ADAMTSL1: variants seen among roughly 807,000 people sequenced by gnomAD.
ADAMTSL1 encodes the protein ADAMTS like 1.
A neutral mutation model predicts 201.8 loss-of-function variants in ADAMTSL1; 126 were observed. The ratio of observed to expected loss-of-function variants is 0.62; its 90% CI spans 0.54 to 0.72. ADAMTSL1 has a LOEUF of 0.72. Ranked by LOEUF, ADAMTSL1 falls within the 30% of genes least tolerant of loss-of-function variation. ADAMTSL1 has a pLI of 0.00. For synonymous variants in ADAMTSL1, 1,121 were observed against 903.4 expected (o/e 1.24, Z -4.32); for missense variants, 2,679 against 2,277.8 (o/e 1.18, Z -3.59).
intron 2 of ADAMTSL1, among the ~76,000 whole-genome samples, chr9:18,414,901 A>G (rs1818606844): frequency 6.6e-6 from 1 of 152,238 alleles, no homozygotes; most frequent in Admixed American, 6.5e-5. Context: ...AGTGGGAGGT[A>G]ATGCCTGTTC....
chr9:18,900,247 T>C (rs1454100541), intron 26 of ADAMTSL1, among the ~76,000 whole-genome samples: 5 of 152,146 alleles, frequency 3.3e-5, no homozygotes, highest in Admixed American at 6.5e-5. Flanking sequence ...CTCATGCCAG[T>C]CAGAATGGCG....
At chr9:18,159,374 G>T (rs764826474) in intron 1 of ADAMTSL1, among the ~76,000 whole-genome samples, 4 of 151,902 alleles carry the variant, frequency 2.6e-5, no homozygotes, top group Non-Finnish European at 5.9e-5. Context: ...GAAGAAAGAA[G>T]AACAATAAAC....
At chr9:18,616,962 C>G (rs1274315172) in intron 4 of ADAMTSL1, among the ~76,000 whole-genome samples, 1 of 152,136 alleles carries the variant, frequency 6.6e-6, no homozygotes, top group African/African-American at 2.4e-5. Context: ...GTAAACCACA[C>G]TGTTACCCAT....
At chr9:18,157,231 T>G (rs1444955082) in intron 1 of ADAMTSL1, among the ~76,000 whole-genome samples, 1 of 152,114 alleles carries the variant, frequency 6.6e-6, no homozygotes, top group Non-Finnish European at 1.5e-5. Flanking sequence ...TTGCTAGTTT[T>G]TCTTTATACA....
At chr9:18,455,836 C>G (rs563215994) in intron 2 of ADAMTSL1, among the ~76,000 whole-genome samples, 1 of 150,408 alleles carries the variant, frequency 6.6e-6, no homozygotes, top group African/African-American at 2.4e-5. Flanking sequence ...CTATCCCCAT[C>G]TATGTGGAAG....
In ADAMTSL1 at chr9:18,887,845, G is replaced by C; in HGVS notation, c.4264G>C (p.Gly1422Arg). The change falls in exon 24 of 29, where the codon GGT becomes CGT. Residue 1422 changes from glycine to arginine, a missense_variant. Transcript: ENST00000380548. Reference protein sequence around the residue: ...NSALLGCPIKGHPVPNITWFH... With the variant: ...NSALLGCPIKRHPVPNITWFH... Reference sequence around the variant, plus strand: ...TCTCCTTCTAGGCTGCCCCATCAAAGGTCACCCTGTCCCTAATATCACCTG... The same window carrying C: ...TCTCCTTCTAGGCTGCCCCATCAAACGTCACCCTGTCCCTAATATCACCTG... 1 of 1,613,782 alleles carries C rather than the reference G, an allele frequency of 6.2e-7. No individual in the cohort carries two copies. The highest frequency in any genetic ancestry group is 8.5e-7 in the Non-Finnish European group (1 of 1,179,848).
intron 20 of ADAMTSL1, among the ~76,000 whole-genome samples, chr9:18,804,516 T>A (rs76483310): frequency 0.03 from 4,612 of 152,284 alleles, 122 homozygotes; most frequent in Non-Finnish European, 0.04. Context: ...AATATAACTA[T>A]TATTTGTAAC....
intron 14 of ADAMTSL1, among the ~76,000 whole-genome samples, chr9:18,720,828 A>T (rs1833303533): frequency 6.6e-6 from 1 of 152,196 alleles, no homozygotes; most frequent in South Asian, 2.1e-4. Flanking sequence ...GGGCCCTGCA[A>T]ACCACCTTGG....
intron 2 of ADAMTSL1, among the ~76,000 whole-genome samples, chr9:18,383,053 G>C (rs1176653721): frequency 1.3e-5 from 2 of 152,182 alleles, no homozygotes; most frequent in South Asian, 4.1e-4. Context: ...GGGACAGCTA[G>C]ACTAGGATCC....
intron 23 of ADAMTSL1, among the ~76,000 whole-genome samples, chr9:18,864,706 T>C (rs1245581006): frequency 6.6e-6 from 1 of 152,150 alleles, no homozygotes; most frequent in Non-Finnish European, 1.5e-5. Context: ...GGCTGTTTAG[T>C]CACAGAAGCC....
At chr9:18,551,170 A>G (rs1820778381) in intron 3 of ADAMTSL1, among the ~76,000 whole-genome samples, 2 of 151,908 alleles carry the variant, frequency 1.3e-5, no homozygotes, top group Admixed American at 6.6e-5. Flanking sequence ...TCCCACCAGA[A>G]TTATACTTGT....
intron 2 of ADAMTSL1, among the ~76,000 whole-genome samples, chr9:18,375,084 G>C (rs1203494754): frequency 6.6e-6 from 1 of 152,216 alleles, no homozygotes; most frequent in Non-Finnish European, 1.5e-5. Context: ...TGGATCACCA[G>C]ATACCCATCA....
chr9:17,993,970 T>C (rs1819269478), intron 1 of ADAMTSL1, among the ~76,000 whole-genome samples: 1 of 152,136 alleles, frequency 6.6e-6, no homozygotes, highest in Non-Finnish European at 1.5e-5. Flanking sequence ...CAGAGAGGTC[T>C]CTGGAAACTA....
intron 2 of ADAMTSL1, among the ~76,000 whole-genome samples, chr9:18,192,552 A>G (rs1224339906): frequency 6.6e-6 from 1 of 152,172 alleles, no homozygotes; most frequent in East Asian, 1.9e-4. Flanking sequence ...GGAAAAAATT[A>G]ATAATATTTT....
intron 1 of ADAMTSL1, among the ~76,000 whole-genome samples, chr9:18,041,339 A>G (rs1471929971): frequency 6.6e-6 from 1 of 152,214 alleles, no homozygotes; most frequent in Non-Finnish European, 1.5e-5. Flanking sequence ...AGTTTTATAA[A>G]TATTTAATGG....
intron 1 of ADAMTSL1, among the ~76,000 whole-genome samples, chr9:18,061,293 G>A (rs1274919365): frequency 2.0e-5 from 3 of 152,114 alleles, no homozygotes; most frequent in Non-Finnish European, 4.4e-5. Context: ...TGATGGTTAA[G>A]GTCGAGTAGC....
chr9:18,714,679 A>G (rs13301770), intron 14 of ADAMTSL1, among the ~76,000 whole-genome samples: 15,714 of 151,084 alleles, frequency 0.1, 880 homozygotes, highest in Middle Eastern at 0.13. Flanking sequence ...ACAAGGAGGA[A>G]CTGGTACCAT....
chr9:18,508,904 G>GGATATGTGCTCAGCTTTAAGA (rs1451509679), intron 2 of ADAMTSL1, among the ~76,000 whole-genome samples: 2 of 95,624 alleles, frequency 2.1e-5, no homozygotes, highest in African/African-American at 1.0e-4. Context: ...AGAAATAGAG[G>GGATATGTGCTCAGCTTTAAGA]CCGGGCGCGG....
chr9:18,881,473 T>C (rs1162305643), intron 23 of ADAMTSL1, among the ~76,000 whole-genome samples: 3 of 152,206 alleles, frequency 2.0e-5, no homozygotes, highest in African/African-American at 7.2e-5. Flanking sequence ...CAAATGGCCA[T>C]TCAGATGAGC....
Sources: allele counts gnomAD v4.1 joint callset (sites outside exome capture counted in the v4.1 genomes callset), GRCh38; gene constraint gnomAD v4.1.1; transcripts MANE v1.5; gene names NCBI Gene and HGNC (gene_info 2026-07-23, HGNC 2026-07-21).